Variants in CCNYL1 observed in about 807,000 individuals in gnomAD.
CCNYL1 encodes cyclin-Y-like protein 1.
Under a neutral mutation model 44.2 loss-of-function variants are expected in CCNYL1, and 16 were observed. That is an observed-to-expected ratio of 0.36 (90% confidence interval 0.25 to 0.55). CCNYL1 has a LOEUF of 0.55. Ranked by LOEUF, CCNYL1 falls within the 20% of genes least tolerant of loss-of-function variation. The pLI, the probability that CCNYL1 is intolerant of heterozygous loss-of-function variation, is 0.85. For synonymous variants in CCNYL1, 159 were observed against 163.2 expected, an observed-to-expected ratio of 0.97 and a Z score of 0.20; for missense variants, 348 against 451.8, an observed-to-expected ratio of 0.77 and a Z score of 2.08.
intron 2 of CCNYL1, among the ~76,000 whole-genome samples, chr2:207,725,821 C>T (rs1212900178): frequency 1.3e-5 from 2 of 152,140 alleles, no homozygotes; most frequent in East Asian, 3.9e-4. Context: ...GTTTATCTTC[C>T]TTATAATTAT....
At chr2:207,729,280 A>ACCC (rs60765823) in intron 3 of CCNYL1, among the ~76,000 whole-genome samples, 1 of 27,296 alleles carries the variant, frequency 3.7e-5, no homozygotes, top group Non-Finnish European at 7.3e-5. Flanking sequence ...CACCCCCCCC[A>ACCC]CCCCCCCGCA....
chr2:207,745,385 C>T (rs1026027669), intron 7 of CCNYL1, among the ~76,000 whole-genome samples: 4 of 152,148 alleles, frequency 2.6e-5, no homozygotes, highest in African/African-American at 9.7e-5. Flanking sequence ...TATCAGTGAG[C>T]ATCAGCACAT....
chr2:207,716,829 G>A (rs1340433750), intron 1 of CCNYL1, among the ~76,000 whole-genome samples: 1 of 152,172 alleles, frequency 6.6e-6, no homozygotes, highest in Non-Finnish European at 1.5e-5. Context: ...GTTCTTATGG[G>A]CCAGGTGTGG....
chr2:207,749,505 CAAAA>C (rs1175566934), intron 8 of CCNYL1, among the ~76,000 whole-genome samples: 1 of 151,792 alleles, frequency 6.6e-6, no homozygotes, highest in Non-Finnish European at 1.5e-5. Context: ...TAAAAAAAAA[CAAAA>C]AACCTAGAAG....
At chr2:207,743,750 G>C (rs956314774) in intron 7 of CCNYL1, among the ~76,000 whole-genome samples, 19 of 152,182 alleles carry the variant, frequency 1.2e-4, no homozygotes, top group Admixed American at 1.3e-4. Flanking sequence ...ATGCTGCCAA[G>C]AAGTTTCTGA....
chr2:207,746,442 T>A (rs2091855745), intron 7 of CCNYL1, among the ~76,000 whole-genome samples: 1 of 152,168 alleles, frequency 6.6e-6, no homozygotes, highest in South Asian at 2.1e-4. Context: ...AACAACTCTA[T>A]TATGGGTGTG....
At chr2:207,735,864 AAAAAAAAAAC>A (rs1413214547) in intron 4 of CCNYL1, among the ~76,000 whole-genome samples, 1 of 148,366 alleles carries the variant, frequency 6.7e-6, no homozygotes, top group African/African-American at 2.5e-5. Context: ...ACTCTGTCTC[AAAAAAAAAAC>A]AAAACAAAAC....
chr2:207,733,152 G>A, intron 3 of CCNYL1, among the ~76,000 whole-genome samples: 1 of 152,178 alleles, frequency 6.6e-6, no homozygotes, highest in East Asian at 1.9e-4. Flanking sequence ...GGGATAAGGA[G>A]GAAGAACAAG....
At chr2:207,716,732 G>A (rs1365459670) in intron 1 of CCNYL1, among the ~76,000 whole-genome samples, 1 of 152,144 alleles carries the variant, frequency 6.6e-6, no homozygotes, top group African/African-American at 2.4e-5. Context: ...AACATATTTT[G>A]ATGACTGATG....
rs762068645 is a variant in CCNYL1 at position 207,750,947 on chromosome 2, C to G, written c.807-10C>G. The stretch of plus-strand genomic sequence containing the variant: ...CCTGTGCTGGTTCTGTTGTGTTCTT[C>G]CTCCTCCAGGAATGAAATGGAAAGG... On this transcript the variant is annotated splice_polypyrimidine_tract_variant and intron_variant, in intron 8 of 9. Transcript: ENST00000295414. 1.9e-6 allele frequency: 3 copies of G among 1,611,924 alleles called. No individual in the cohort carries two copies. The highest frequency in any genetic ancestry group is 2.5e-6 in the Non-Finnish European group (3 of 1,179,068).
intron 4 of CCNYL1, among the ~76,000 whole-genome samples, chr2:207,737,148 C>G (rs1047642377): frequency 6.6e-6 from 1 of 152,280 alleles, no homozygotes; most frequent in Middle Eastern, 3.4e-3. Context: ...ATCTCCTGAC[C>G]TCGTGATCCA....
At chr2:207,734,992 G>A (rs1178050468) in intron 4 of CCNYL1, among the ~76,000 whole-genome samples, 1 of 152,068 alleles carries the variant, frequency 6.6e-6, no homozygotes, top group Non-Finnish European at 1.5e-5. Context: ...AAATCCTTGA[G>A]TTAAAAAACC....
chr2:207,712,044 C>A lies in CCNYL1; in HGVS notation c.148C>A (p.Pro50Thr). The A allele has an allele frequency of 6.5e-7, 1 of 1,544,740 alleles. No individual in the cohort carries two copies. Among genetic ancestry groups the A allele is most frequent in the Non-Finnish European group, 8.7e-7 (1 of 1,146,976 alleles). ...AVAVAPAVVE[P>T]AELDFGEGEG... ...GGCGGTAGCGCCCGCTGTGGTGGAG[C>A]CTGCCGAGTTGGATTTCGGAGAGGG... Residue 50 changes from proline to threonine, a missense_variant, in exon 1 of 10, where the codon CCT becomes ACT. Pro to Thr is a conservative substitution (Grantham distance 38). This residue lies in a region of CCNYL1 where 209 missense variants were observed against 247.7 expected (regional missense o/e 0.84). Transcript: ENST00000295414.
intron 8 of CCNYL1, among the ~76,000 whole-genome samples, chr2:207,748,941 C>T (rs948019109): frequency 5.3e-5 from 8 of 152,170 alleles, no homozygotes; most frequent in Non-Finnish European, 7.3e-5. Context: ...TGCTGTCATC[C>T]GTCTGCAAAC....
chr2:207,743,196 G>A (rs190888936), intron 7 of CCNYL1, among the ~76,000 whole-genome samples: 1 of 152,320 alleles, frequency 6.6e-6, no homozygotes, highest in Admixed American at 6.5e-5. Context: ...GGAGCTGTAA[G>A]CCATTTGGAA....
At chr2:207,747,026 G>A (rs1164423434) in intron 7 of CCNYL1, 21 bp from the exon 8 acceptor site, 3 of 1,531,214 alleles carry the variant, frequency 2.0e-6, no homozygotes, top group South Asian at 1.2e-5. Context: ...TAAAATCAAA[G>A]ACCAGTGCTC....
intron 9 of CCNYL1, among the ~76,000 whole-genome samples, chr2:207,751,923 T>C (rs1188998087): frequency 1.3e-5 from 2 of 151,018 alleles, no homozygotes; most frequent in Non-Finnish European, 2.9e-5. Flanking sequence ...TAATCCCAGC[T>C]ACTTGGGAGG....
At chr2:207,712,149 G>T in intron 1 of CCNYL1, 33 bp downstream of exon 1, 1 of 1,565,308 alleles carries the variant, frequency 6.4e-7, no homozygotes. Context: ...CCGCCCTCGG[G>T]CTCACCTCTG....
At chr2:207,738,467 C>T (rs908769028) in intron 5 of CCNYL1, among the ~76,000 whole-genome samples, 4 of 152,090 alleles carry the variant, frequency 2.6e-5, no homozygotes, top group Non-Finnish European at 4.4e-5. Flanking sequence ...GTGATCCACC[C>T]GCCTCAGCCT....
Sources: allele counts gnomAD v4.1 joint callset (sites outside exome capture counted in the v4.1 genomes callset), GRCh38; gene constraint gnomAD v4.1.1; regional missense constraint gnomAD v4.1.1; transcripts MANE v1.5; gene names NCBI Gene and HGNC (gene_info 2026-07-23, HGNC 2026-07-21).